PLXNB2: variants seen among roughly 807,000 people sequenced by gnomAD.
PLXNB2 encodes plexin-B2.
In PLXNB2, 85 loss-of-function variants were observed where a neutral mutation model predicts 202.6. The observed-to-expected ratio is 0.42, with a 90% CI of 0.35 to 0.50. The LOEUF (loss-of-function observed/expected upper bound fraction) is 0.50. Among genes scored for constraint, PLXNB2 ranks in the 20% least tolerant of loss-of-function variants. PLXNB2 has a pLI of 0.02. For synonymous variants in PLXNB2, 1,239 were observed against 1,137.6 expected, an observed-to-expected ratio of 1.09 and a Z score of -1.79; for missense variants, 2,063 against 2,586.2, an observed-to-expected ratio of 0.80 and a Z score of 4.39.
At chr22:50,307,260 T>C (rs1305903670) in intron 1 of PLXNB2, among the ~76,000 whole-genome samples, 8 of 150,084 alleles carry the variant, frequency 5.3e-5, no homozygotes, top group Non-Finnish European at 1.2e-4. Flanking sequence ...GGCTGAAGAG[T>C]GAGAGGCAGG....
intron 18 of PLXNB2, 94 bp from the exon 19 acceptor site, chr22:50,282,407 C>T (rs1010623410): frequency 1.6e-5 from 22 of 1,368,922 alleles, no homozygotes; most frequent in Middle Eastern, 2.3e-4. Context: ...CCTGACCACA[C>T]GGGGCTTCCA....
In PLXNB2 at chr22:50,284,443, G is replaced by C; in HGVS notation, c.2181+130C>G. On this transcript the variant is annotated intron_variant, in intron 12 of 36. Coordinates refer to ENST00000359337, the MANE Select transcript of PLXNB2 (RefSeq NM_012401.4). The surrounding 1 kb of genome is among the most constrained non-coding windows in gnomAD (Gnocchi z 8.0). ...CTTCCCCAGCAGCACAGGGCATGGCGAGCCCCTGGCTGGGCTCTGGTCCCT... is the reference window on the plus strand; with the variant it reads ...CTTCCCCAGCAGCACAGGGCATGGCCAGCCCCTGGCTGGGCTCTGGTCCCT... 1 of 769,550 alleles carries C rather than the reference G, an allele frequency of 1.3e-6. No homozygotes were observed. Among genetic ancestry groups the C allele is most frequent in the South Asian group, 1.7e-5 (1 of 59,646 alleles). 47.7% of individuals were successfully genotyped at this position (769,550 alleles called of 1,614,324 possible).
At position 50,287,926 on chromosome 22, in the gene PLXNB2, C is replaced by T; in HGVS notation, c.1481+11G>A. 6.3e-7 allele frequency: 1 copy of T among 1,585,358 alleles called. No individual in the cohort carries two copies. The highest frequency in any genetic ancestry group is 8.6e-7 in the Non-Finnish European group (1 of 1,167,336). On this transcript the variant is annotated intron_variant, in intron 6 of 36. Coordinates refer to ENST00000359337, the MANE Select transcript of PLXNB2 (RefSeq NM_012401.4). ...GGCAGGCCGTGTCCCCGAGCCACCC[C>T]AGGCACTCACCGTCCCTCGACGACG...
chr22:50,287,030 G>A, intron 8 of PLXNB2, 81 bp downstream of exon 8: 1 of 1,343,026 alleles, frequency 7.4e-7, no homozygotes. Context: ...GCACCCAGGG[G>A]CCAGCAGAGG....
intron 27 of PLXNB2, 41 bp from the exon 28 acceptor site, chr22:50,279,052 C>T: frequency 1.3e-6 from 2 of 1,568,262 alleles, no homozygotes; most frequent in East Asian, 2.2e-5. Flanking sequence ...GGAGGCCCTG[C>T]TCTTACCTGC....
In PLXNB2 at chr22:50,285,895, T is replaced by C. The variant is rs138005986; in HGVS notation, c.1993A>G (p.Ser665Gly). 6 of 1,612,152 alleles carry C rather than the reference T, an allele frequency of 3.7e-6. 1 individual carries two copies. Among genetic ancestry groups the C allele is most frequent in the Non-Finnish European group, 5.1e-6 (6 of 1,179,348 alleles). ...DGIVRAHMED[S>G]CPQFLGPSPL... ...CTGGGTCCCAGGAACTGGGGACAGC[T>C]GTCCTCCTGGGAGAGTAAGGCTGGT... The change falls in exon 11 of 37, where the codon AGC (serine) becomes GGC (glycine). Residue 665 changes from serine to glycine, a missense_variant. This residue lies in a region of PLXNB2 where 1,303 missense variants were observed against 1,476.8 expected (regional missense o/e 0.88). Transcript: ENST00000359337.
In PLXNB2 at chr22:50,288,567, C is replaced by T. The variant is rs970080586; in HGVS notation, c.1380+176G>A. ...GAGACGGGGCAGTGCTAGAGAGACA[C>T]AGGATGGAGGCACTGCCCGGGACCC... On this transcript the variant is annotated intron_variant, in intron 5 of 36. Transcript: ENST00000359337. This position sits in a 1 kb window ranked among gnomAD's most constrained non-coding sequence, Gnocchi z 5.0. Among the ~76,000 whole-genome samples, 6 of 152,082 alleles carry T rather than the reference C, an allele frequency of 3.9e-5. No individual in the cohort carries two copies. The highest frequency in any genetic ancestry group is 1.4e-4 in the African/African-American group (6 of 41,402).
chr22:50,289,427 AC>A lies in PLXNB2; in HGVS notation c.1068+89del. 2 of 1,445,864 alleles carry A rather than the reference AC, an allele frequency of 1.4e-6. No individual in the cohort carries two copies. Among genetic ancestry groups the A allele is most frequent in the Non-Finnish European group, 1.8e-6 (2 of 1,088,460 alleles). The allele number at this position is 1,445,864 out of a possible 1,614,324, so 89.6% of individuals were successfully genotyped here. The stretch of plus-strand genomic sequence containing the variant: ...GGCGAGAGCCACGGCCACACTGCTC[AC>A]GTGCACCCTCCCCAGCAGGCTGGGA... On this transcript the variant is annotated intron_variant, in intron 3 of 36. Coordinates refer to ENST00000359337, the MANE Select transcript of PLXNB2 (RefSeq NM_012401.4). This position sits in a 1 kb window ranked among gnomAD's most constrained non-coding sequence, Gnocchi z 8.0.
At chr22:50,301,187 CCT>C (rs1472174527) in intron 1 of PLXNB2, among the ~76,000 whole-genome samples, 1 of 152,196 alleles carries the variant, frequency 6.6e-6, no homozygotes, top group East Asian at 1.9e-4. Flanking sequence ...GCTACGGCGC[CCT>C]GTCCCCACAC....
chr22:50,279,133 C>T (rs1201750690), intron 27 of PLXNB2, 122 bp from the exon 28 acceptor site: 13 of 1,036,326 alleles, frequency 1.3e-5, no homozygotes, highest in South Asian at 1.0e-4. Flanking sequence ...AGCAGGCCCC[C>T]GCCAGCCCGG....
At chr22:50,276,544 C>T (rs2065609935) in intron 35 of PLXNB2, 85 bp downstream of exon 35, 1 of 1,191,602 alleles carries the variant, frequency 8.4e-7, no homozygotes, top group Non-Finnish European at 1.3e-6. Context: ...ACCACATTAC[C>T]CCTGCCCTGC....
At position 50,288,887 on chromosome 22, in the gene PLXNB2, C is replaced by A. The variant is rs1183036709; in HGVS notation, c.1252-16G>T. On this transcript the variant is annotated splice_polypyrimidine_tract_variant and intron_variant, in intron 4 of 36. Transcript: ENST00000359337. This position sits in a 1 kb window ranked among gnomAD's most constrained non-coding sequence, Gnocchi z 5.0. ...TGAGGTACACCTGTGTGCGCGAGGG[C>A]AGGCCGGTGAGGGTACGGGCCTTGT... 6.2e-7 allele frequency: 1 copy of A among 1,612,952 alleles called. No homozygotes were observed. The highest frequency in any genetic ancestry group is 1.3e-5 in the African/African-American group (1 of 74,936).
At position 50,287,220 on chromosome 22, in the gene PLXNB2, GTCC is replaced by G. The variant is rs760466776; in HGVS notation, c.1650_1652del (p.Glu550del). The stretch of plus-strand genomic sequence containing the variant: ...ACTCCCCAAAAAGGCACAGCAACTC[GTCC>G]TCCTCGCTCAGGGCAGGGAGGGGGC... On this transcript the variant is annotated inframe_deletion, in exon 8 of 37. Transcript: ENST00000359337. 1.8e-5 allele frequency: 28 copies of G among 1,550,488 alleles called. No individual in the cohort carries two copies. The highest frequency in any genetic ancestry group is 2.3e-5 in the Non-Finnish European group (26 of 1,147,022).
In PLXNB2 at chr22:50,278,537, G is replaced by A. The variant is rs990032422; in HGVS notation, c.4648-18C>T. On this transcript the variant is annotated intron_variant, in intron 29 of 36. Coordinates refer to ENST00000359337, the MANE Select transcript of PLXNB2 (RefSeq NM_012401.4). ...TCCCGGACCTGGGGAACACGGCGGTGAGGGTGGGCTGTGCCCCCAGGGTGC... is the reference window on the plus strand; with the variant it reads ...TCCCGGACCTGGGGAACACGGCGGTAAGGGTGGGCTGTGCCCCCAGGGTGC... The A allele has an allele frequency of 1.3e-6, 2 of 1,584,428 alleles. No individual in the cohort carries two copies. Among genetic ancestry groups the A allele is most frequent in the Admixed American group, 3.6e-5 (2 of 55,736 alleles).
At chr22:50,307,497 GCC>G in intron 1 of PLXNB2, 54 bp downstream of exon 1, 1 of 896,106 alleles carries the variant, frequency 1.1e-6, no homozygotes, top group South Asian at 5.1e-5. Flanking sequence ...TGACGGCGAA[GCC>G]CCCCCCACGC....
In PLXNB2 at chr22:50,278,864, C is replaced by T. The variant is rs371319008; in HGVS notation, c.4537G>A (p.Val1513Met). 39 of 1,611,344 alleles carry T rather than the reference C, an allele frequency of 2.4e-5. No individual in the cohort carries two copies. The highest frequency in any genetic ancestry group is 3.3e-5 in the South Asian group (3 of 90,938). The change falls in exon 28 of 37, where the codon GTG (valine) becomes ATG (methionine). Residue 1513 changes from valine (V) to methionine (M), a missense_variant. Val to Met is a conservative substitution (Grantham distance 21). This residue lies in a region of PLXNB2 where 760 missense variants were observed against 1,109.4 expected (regional missense o/e 0.69). Coordinates refer to ENST00000359337, the MANE Select transcript of PLXNB2 (RefSeq NM_012401.4). Reference sequence around the variant, plus strand: ...AGGGGCCGGCACTCACCCAGGACCACGCTGTCTGGCCTGGGCCAGCAGGAG... The same window carrying T: ...AGGGGCCGGCACTCACCCAGGACCATGCTGTCTGGCCTGGGCCAGCAGGAG... Reference protein sequence around the residue: ...PCSCWPRPDSVVLEWRPGSTA... With the variant: ...PCSCWPRPDSMVLEWRPGSTA...
chr22:50,289,725 G>A lies in PLXNB2; in HGVS notation c.860C>T (p.Pro287Leu). Reference protein sequence around the residue: ...GTCLAASVAAPGSGRVLYAVF... With the variant: ...GTCLAASVAALGSGRVLYAVF... ...AGCATATAGCACCCTGCCAGAGCCAGGCGCAGCCACGGAGGCGGCCAGGCA... is the reference window on the plus strand; with the variant it reads ...AGCATATAGCACCCTGCCAGAGCCAAGCGCAGCCACGGAGGCGGCCAGGCA... The change falls in exon 3 of 37, where the codon CCT becomes CTT. Residue 287 changes from proline (P) to leucine (L), a missense_variant. Around this residue, in one of 2 missense-constraint regions of PLXNB2, gnomAD observed 1,303 missense variants for 1,476.8 expected, o/e 0.88. Transcript: ENST00000359337. This position sits in a 1 kb window ranked among gnomAD's most constrained non-coding sequence, Gnocchi z 8.0. 1 of 1,612,064 alleles carries A rather than the reference G, an allele frequency of 6.2e-7. No homozygotes were observed. Among genetic ancestry groups the A allele is most frequent in the Non-Finnish European group, 8.5e-7 (1 of 1,179,952 alleles).
chr22:50,285,345 G>A (rs1466918138), intron 11 of PLXNB2, among the ~76,000 whole-genome samples: 3 of 56,878 alleles, frequency 5.3e-5, no homozygotes, highest in African/African-American at 2.0e-4. Flanking sequence ...CCCTCCCTCC[G>A]CACCTGAGCC....
At chr22:50,303,815 C>T (rs921008931) in intron 1 of PLXNB2, among the ~76,000 whole-genome samples, 3 of 152,222 alleles carry the variant, frequency 2.0e-5, no homozygotes, top group Non-Finnish European at 2.9e-5. Flanking sequence ...GAGCTGGTGG[C>T]TGAACTGGGG....
Sources: allele counts gnomAD v4.1 joint callset (sites outside exome capture counted in the v4.1 genomes callset), GRCh38; gene constraint gnomAD v4.1.1; regional missense constraint gnomAD v4.1.1; non-coding constraint Gnocchi (gnomAD v3.1); transcripts MANE v1.5; gene names NCBI Gene and HGNC (gene_info 2026-07-23, HGNC 2026-07-21).